Variants in PTGES3 observed in about 807,000 individuals in gnomAD.
PTGES3 encodes Hsp90 co-chaperone.
PTGES3 carries 5 observed loss-of-function variants against 29.9 expected under a neutral mutation model. The ratio of observed to expected loss-of-function variants is 0.17; its 90% CI spans 0.09 to 0.35. PTGES3 has a LOEUF of 0.35. PTGES3 is among the 10% of genes least tolerant of loss of function. PTGES3 has a pLI of 1.00. For synonymous variants in PTGES3, 49 were observed against 57.8 expected (o/e 0.85, Z 0.69); for missense variants, 128 against 190.0 (o/e 0.67, Z 1.92).
At chr12:56,683,621 GC>G (rs1245541338) in intron 1 of PTGES3, among the ~76,000 whole-genome samples, 2 of 151,654 alleles carry the variant, frequency 1.3e-5, no homozygotes, top group Non-Finnish European at 2.9e-5. Flanking sequence ...GTTCACTCCA[GC>G]CTGGGCGACA....
chr12:56,675,945 G>C (rs953167130), intron 1 of PTGES3, among the ~76,000 whole-genome samples: 2 of 151,826 alleles, frequency 1.3e-5, no homozygotes, highest in African/African-American at 4.8e-5. Flanking sequence ...AAAAACTGCA[G>C]ACCAGGCGCA....
intron 4 of PTGES3, chr12:56,670,704 A>G (rs1951968050): frequency 4.7e-6 from 1 of 210,866 alleles, no homozygotes; most frequent in Non-Finnish European, 9.7e-6. Context: ...CACCCTCCAG[A>G]GTAGCTTTTA....
Position 56,668,523 on chromosome 12 carries a change from G to C in PTGES3, c.375+1752C>G, listed in dbSNP as rs543696361. Among the ~76,000 whole-genome samples, 227 of 152,356 alleles carry C rather than the reference G, an allele frequency of 1.5e-3. 4 individuals carry two copies. The South Asian group carries it at 0.031, about 21-fold the overall frequency. ...GGAAGCTGAGGCAGGAGGATCACTT[G>C]AGCTCAGGAGTTCAAGACCTGCCTA... On this transcript the variant is annotated intron_variant, in intron 5 of 7. Coordinates refer to ENST00000262033, the MANE Select transcript of PTGES3 (RefSeq NM_006601.7).
At chr12:56,687,923 G>T in intron 1 of PTGES3, 75 bp downstream of exon 1, 1 of 1,603,406 alleles carries the variant, frequency 6.2e-7, no homozygotes, top group Non-Finnish European at 8.5e-7. Context: ...AAGGCTAGGG[G>T]GCCGCTTCCA....
intron 1 of PTGES3, among the ~76,000 whole-genome samples, chr12:56,680,846 T>G (rs2137693985): frequency 6.6e-6 from 1 of 151,682 alleles, no homozygotes; most frequent in African/African-American, 2.4e-5. Flanking sequence ...TGGCGTGATC[T>G]CAGCTCACAC....
intron 3 of PTGES3, 94 bp from the exon 4 acceptor site, chr12:56,671,941 C>T (rs542470752): frequency 1.1e-5 from 8 of 703,624 alleles, no homozygotes; most frequent in African/African-American, 7.4e-5. Flanking sequence ...CATTTCTTTA[C>T]CTAAATTTTC....
intron 1 of PTGES3, among the ~76,000 whole-genome samples, chr12:56,683,185 T>TA: frequency 1.3e-5 from 2 of 151,252 alleles, no homozygotes; most frequent in East Asian, 3.9e-4. Flanking sequence ...CCATCGCTAC[T>TA]AAAAATATAT....
intron 1 of PTGES3, among the ~76,000 whole-genome samples, chr12:56,681,469 C>A (rs920580214): frequency 7.8e-6 from 1 of 128,958 alleles, no homozygotes; most frequent in Middle Eastern, 5.3e-3. Flanking sequence ...ACCCGGGAGG[C>A]GGAGCCTGCA....
chr12:56,668,796 A>C (rs1457484737), intron 5 of PTGES3, among the ~76,000 whole-genome samples: 1 of 152,118 alleles, frequency 6.6e-6, no homozygotes, highest in Non-Finnish European at 1.5e-5. Flanking sequence ...AGCAACAAGA[A>C]ATGGATTTCA....
At chr12:56,687,753 A>G (rs1952951068) in intron 1 of PTGES3, 7 of 1,379,350 alleles carry the variant, frequency 5.1e-6, no homozygotes, top group Admixed American at 6.8e-5. Context: ...CCAAAGGGGT[A>G]AAAGTAGGAT....
intron 1 of PTGES3, among the ~76,000 whole-genome samples, chr12:56,677,170 G>A (rs1227796788): frequency 6.6e-6 from 1 of 151,118 alleles, no homozygotes; most frequent in Non-Finnish European, 1.5e-5. Flanking sequence ...AACATGAAAG[G>A]CAGAGGTTGC....
intron 1 of PTGES3, among the ~76,000 whole-genome samples, chr12:56,676,231 CCAA>C (rs1952240090): frequency 4.1e-5 from 5 of 122,924 alleles, no homozygotes; most frequent in Admixed American, 8.5e-5. Context: ...GTCTCCCCCC[CCAA>C]AAAAAAAAAA....
chr12:56,673,748 G>A (rs1952100912), intron 1 of PTGES3, among the ~76,000 whole-genome samples: 1 of 141,742 alleles, frequency 7.1e-6, no homozygotes, highest in African/African-American at 2.6e-5. Context: ...AGCCGAGATT[G>A]CGCCATTGCA....
At chr12:56,675,934 C>T (rs145652887) in intron 1 of PTGES3, among the ~76,000 whole-genome samples, 89 of 151,800 alleles carry the variant, frequency 5.9e-4, no homozygotes, top group Non-Finnish European at 6.8e-4. Flanking sequence ...AAACACAACA[C>T]AAAAACTGCA....
At chr12:56,677,960 G>A (rs1470047131) in intron 1 of PTGES3, among the ~76,000 whole-genome samples, 1 of 152,084 alleles carries the variant, frequency 6.6e-6, no homozygotes, top group Admixed American at 6.6e-5. Context: ...TATTCAGAAA[G>A]TTTTATAGTA....
chr12:56,677,673 T>C (rs1450632827), intron 1 of PTGES3, among the ~76,000 whole-genome samples: 2 of 152,118 alleles, frequency 1.3e-5, no homozygotes, highest in East Asian at 3.8e-4. Context: ...ATTATTTTTT[T>C]TTGGTGGGGT....
chr12:56,663,705 G>T lies in PTGES3; in HGVS notation c.*774C>A, dbSNP rs1951688304. On this transcript the variant is annotated 3_prime_UTR_variant, in exon 8 of 8. Coordinates refer to ENST00000262033, the MANE Select transcript of PTGES3 (RefSeq NM_006601.7). ...CCGGGTATAAGCTGAATCAAAAAAA[G>T]GAAATAAAAAATCCAATAGTGTATT... The T allele has an allele frequency of 7.7e-6, 1 of 130,010 alleles. No homozygotes were observed. The highest frequency in any genetic ancestry group is 1.7e-5 in the Non-Finnish European group (1 of 58,400). 8.1% of individuals were successfully genotyped at this position (130,010 alleles called of 1,614,324 possible). A position where few individuals can be genotyped will look rare whatever the true frequency, so the allele number is the denominator to read the frequency against.
intron 1 of PTGES3, among the ~76,000 whole-genome samples, chr12:56,676,944 A>AAAAAAAAC (rs1952281217): frequency 6.8e-6 from 1 of 147,122 alleles, no homozygotes; most frequent in Non-Finnish European, 1.5e-5. Context: ...AAAAAAAAAA[A>AAAAAAAAC]AATAGTGCTG....
intron 1 of PTGES3, chr12:56,687,757 G>A: frequency 7.2e-7 from 1 of 1,380,392 alleles, no homozygotes; most frequent in Non-Finnish European, 9.3e-7. Flanking sequence ...AGGGGTAAAA[G>A]TAGGATTTCC....
Sources: allele counts gnomAD v4.1 joint callset (sites outside exome capture counted in the v4.1 genomes callset), GRCh38; gene constraint gnomAD v4.1.1; transcripts MANE v1.5; gene names NCBI Gene and HGNC (gene_info 2026-07-23, HGNC 2026-07-21).